CSMD3: variants seen among roughly 807,000 people sequenced by gnomAD.
CSMD3 encodes the protein CUB and Sushi multiple domains 3, also known as CUB and sushi domain-containing protein 3.
A neutral mutation model predicts 435.2 loss-of-function variants in CSMD3; 177 were observed. That is an observed-to-expected ratio of 0.41 (90% CI 0.36 to 0.46). CSMD3 has a LOEUF of 0.46. CSMD3 is among the 20% of genes least tolerant of loss of function. The probability of loss-of-function intolerance (pLI) is 0.34; values close to 1 mark genes in which losing one functional copy is unlikely to be tolerated. For missense variants in CSMD3, 4,265 were observed against 4,504.6 expected, an observed-to-expected ratio of 0.95 and a Z score of 1.52; for synonymous variants, 1,656 against 1,520.5, an observed-to-expected ratio of 1.09 and a Z score of -2.07.
chr8:112,445,472 G>A (rs886850504), intron 32 of CSMD3, among the ~76,000 whole-genome samples: 2 of 152,156 alleles, frequency 1.3e-5, no homozygotes, highest in African/African-American at 4.8e-5. Context: ...GTGAGAAGGT[G>A]TGTCATGGTG....
At chr8:112,967,785 C>G in intron 7 of CSMD3, among the ~76,000 whole-genome samples, 1 of 150,306 alleles carries the variant, frequency 6.7e-6, no homozygotes, top group South Asian at 2.1e-4. Context: ...TACTGTATAC[C>G]CAGCAACTGG....
chr8:113,191,803 G>A (rs780321211), intron 3 of CSMD3, among the ~76,000 whole-genome samples: 2 of 151,612 alleles, frequency 1.3e-5, no homozygotes, highest in Non-Finnish European at 3.0e-5. Flanking sequence ...TCAAATGGTA[G>A]TTCTAAGTTC....
rs540280392 is a variant in CSMD3 at position 113,069,086 on chromosome 8, T to C, written c.917+29670A>G. Among the ~76,000 whole-genome samples the C allele has an allele frequency of 5.3e-5, 8 of 152,038 alleles. No homozygotes were observed. The East Asian group carries it at 1.4e-3, about 26-fold the overall frequency. ...AGAGACGACAAACGATTTTCTGATATATATGAACTTCTTACCTCCCTGCCA... is the reference window on the plus strand; with the variant it reads ...AGAGACGACAAACGATTTTCTGATACATATGAACTTCTTACCTCCCTGCCA... On this transcript the variant is annotated intron_variant, in intron 5 of 70. Coordinates refer to ENST00000297405, the MANE Select transcript of CSMD3 (RefSeq NM_198123.2).
intron 24 of CSMD3, among the ~76,000 whole-genome samples, chr8:112,570,342 G>C (rs190094055): frequency 6.6e-6 from 1 of 152,112 alleles, no homozygotes; most frequent in South Asian, 2.1e-4. Flanking sequence ...ACATATGTTC[G>C]CAAACAAGTA....
At chr8:112,823,265 G>A (rs948194111) in intron 12 of CSMD3, among the ~76,000 whole-genome samples, 2 of 152,108 alleles carry the variant, frequency 1.3e-5, no homozygotes, top group Admixed American at 6.6e-5. Flanking sequence ...ATCTGGTCCT[G>A]GGCTTTTTCT....
At chr8:112,785,814 A>C (rs537586090) in intron 13 of CSMD3, among the ~76,000 whole-genome samples, 23 of 152,106 alleles carry the variant, frequency 1.5e-4, no homozygotes, top group Non-Finnish European at 3.1e-4. Context: ...GATATATTAC[A>C]TTTATGGATT....
chr8:113,393,047 A>G (rs761620631), intron 1 of CSMD3, among the ~76,000 whole-genome samples: 8 of 151,742 alleles, frequency 5.3e-5, no homozygotes, highest in Non-Finnish European at 7.4e-5. Flanking sequence ...ATGTTTGTAT[A>G]TTTTCTGATT....
intron 30 of CSMD3, among the ~76,000 whole-genome samples, chr8:112,498,985 G>T (rs1821657304): frequency 6.6e-6 from 1 of 152,036 alleles, no homozygotes; most frequent in Admixed American, 6.5e-5. Flanking sequence ...CACTATTCTT[G>T]GCACTTAGTG....
rs1342238200 is a variant in CSMD3 at position 112,848,321 on chromosome 8, C to T, written c.1755+10824G>A. Among the ~76,000 whole-genome samples, 3 of 152,054 alleles carry T rather than the reference C, an allele frequency of 2.0e-5. No homozygotes were observed. In the East Asian group the frequency reaches 5.8e-4, roughly 29 times the overall value. The stretch of plus-strand genomic sequence containing the variant: ...ATTTATAAAGCAGTACAAATACCAA[C>T]AAAATATTTGCTATTCATTGTGCAC... On this transcript the variant is annotated intron_variant, in intron 11 of 70. Coordinates refer to ENST00000297405, the MANE Select transcript of CSMD3 (RefSeq NM_198123.2).
chr8:113,276,578 T>C (rs745866887), intron 3 of CSMD3, among the ~76,000 whole-genome samples: 16 of 152,032 alleles, frequency 1.1e-4, no homozygotes, highest in Non-Finnish European at 1.6e-4. Flanking sequence ...CGCCAGAAAG[T>C]AGATTTTCCC....
intron 13 of CSMD3, among the ~76,000 whole-genome samples, chr8:112,753,606 G>T (rs568231106): frequency 6.6e-6 from 1 of 152,238 alleles, no homozygotes; most frequent in African/African-American, 2.4e-5. Flanking sequence ...CTGTCTAACT[G>T]GTTTTAAATG....
intron 30 of CSMD3, among the ~76,000 whole-genome samples, chr8:112,494,567 C>CT (rs1323085462): frequency 2.1e-5 from 2 of 93,574 alleles, no homozygotes; most frequent in African/African-American, 4.2e-5. Context: ...TTCTTTCTTT[C>CT]TTTCTTTTCT....
chr8:112,745,303 T>A (rs1205492899), intron 13 of CSMD3, among the ~76,000 whole-genome samples: 2 of 152,102 alleles, frequency 1.3e-5, no homozygotes, highest in Non-Finnish European at 2.9e-5. Flanking sequence ...TTCTTCCTTT[T>A]GAAGAATGCA....
intron 1 of CSMD3, among the ~76,000 whole-genome samples, chr8:113,409,962 T>C (rs893910906): frequency 1.3e-5 from 2 of 152,186 alleles, no homozygotes; most frequent in Admixed American, 1.3e-4. Context: ...GTAAACACTT[T>C]GAGTTTTTAT....
At chr8:112,475,742 C>T (rs907590853) in intron 31 of CSMD3, among the ~76,000 whole-genome samples, 5 of 152,070 alleles carry the variant, frequency 3.3e-5, no homozygotes, top group African/African-American at 1.2e-4. Flanking sequence ...TATTGGTCTC[C>T]AGAAGCTTTT....
chr8:112,400,710 C>A (rs758752809), intron 35 of CSMD3, among the ~76,000 whole-genome samples: 2 of 152,096 alleles, frequency 1.3e-5, no homozygotes, highest in Admixed American at 1.3e-4. Flanking sequence ...GGCTTTAGTT[C>A]CTGGTGTTAG....
chr8:112,323,298 C>A (rs1024184389), intron 45 of CSMD3, among the ~76,000 whole-genome samples: 8 of 152,002 alleles, frequency 5.3e-5, no homozygotes, highest in African/African-American at 1.7e-4. Context: ...TGTTCTTTAA[C>A]ATAACTCTAT....
chr8:112,784,988 A>AT (rs2078500139), intron 13 of CSMD3, among the ~76,000 whole-genome samples: 1 of 152,078 alleles, frequency 6.6e-6, no homozygotes, highest in African/African-American at 2.4e-5. Flanking sequence ...AATATGTTTG[A>AT]TGAACATTGA....
chr8:112,656,700 CAATCAGAT>C (rs1266866733), intron 17 of CSMD3, among the ~76,000 whole-genome samples: 8 of 151,978 alleles, frequency 5.3e-5, no homozygotes, highest in Non-Finnish European at 7.4e-5. Context: ...CATTTATTTT[CAATCAGAT>C]AATTAGATTA....
Sources: gnomAD v4.1 joint callset for allele counts (sites outside exome capture counted in the v4.1 genomes callset) on GRCh38, gnomAD v4.1.1 for gene constraint, MANE v1.5 for transcripts, NCBI Gene and HGNC (gene_info 2026-07-23, HGNC 2026-07-21) for gene names.